HNRNPR: variants seen among roughly 807,000 people sequenced by gnomAD.
The protein encoded by HNRNPR is heterogeneous nuclear ribonucleoprotein R.
A neutral mutation model predicts 70.3 loss-of-function variants in HNRNPR; 4 were observed. The observed-to-expected ratio is 0.06, with a 90% CI of 0.03 to 0.13. HNRNPR has a LOEUF of 0.13. HNRNPR is among the 10% of genes least tolerant of loss of function. The pLI, the probability that HNRNPR is intolerant of heterozygous loss-of-function variation, is 1.00. For missense variants in HNRNPR, 423 were observed against 788.5 expected, an observed-to-expected ratio of 0.54 and a Z score of 5.55; for synonymous variants, 241 against 267.6, an observed-to-expected ratio of 0.90 and a Z score of 0.97.
In HNRNPR at chr1:23,331,405, T is replaced by TAAAAAAAAAAAAA. The variant is rs59528152; in HGVS notation, c.498+2100_498+2112dup. On this transcript the variant is annotated intron_variant, in intron 5 of 10. Coordinates refer to ENST00000302271, the MANE Select transcript of HNRNPR (RefSeq NM_005826.5). ...GGGAGACTCCATCTCCACAAAAAAT[T>TAAAAAAAAAAAAA]AAAAAAAAAAAAAAAAATAGCTGGG... is the stretch of plus-strand genomic sequence containing the variant. Among the ~76,000 whole-genome samples the TAAAAAAAAAAAAA allele has an allele frequency of 3.0e-3, 386 of 127,200 alleles. 8 individuals are homozygous for TAAAAAAAAAAAAA. The highest frequency in any genetic ancestry group is 0.011 in the African/African-American group (375 of 33,332). The allele number at this position is 127,200 out of a possible 152,430, so 83.4% of individuals were successfully genotyped here. A position where few individuals can be genotyped will look rare whatever the true frequency, so the allele number is the denominator to read the frequency against.
At chr1:23,329,295 T>C (rs1456491178) in intron 5 of HNRNPR, among the ~76,000 whole-genome samples, 1 of 152,202 alleles carries the variant, frequency 6.6e-6, no homozygotes, top group Non-Finnish European at 1.5e-5. Context: ...AAAAAGAATT[T>C]AAAAGGCTAA....
At chr1:23,321,772 A>G in intron 6 of HNRNPR, 109 bp from the exon 7 acceptor site, 2 of 1,014,026 alleles carry the variant, frequency 2.0e-6, no homozygotes, top group Non-Finnish European at 2.9e-6. Context: ...TGCTTCATCA[A>G]CTCACCAAGT....
At chr1:23,332,130 G>C (rs1449247961) in intron 5 of HNRNPR, among the ~76,000 whole-genome samples, 1 of 151,980 alleles carries the variant, frequency 6.6e-6, no homozygotes, top group Non-Finnish European at 1.5e-5. Context: ...AGACTGAATG[G>C]AGAGAGGGGA....
chr1:23,332,215 A>T (rs1646262883), intron 5 of HNRNPR, among the ~76,000 whole-genome samples: 1 of 152,112 alleles, frequency 6.6e-6, no homozygotes, highest in Non-Finnish European at 1.5e-5. Context: ...AAGCTTTAAG[A>T]AGACAGATGG....
At chr1:23,342,234 GCA>G (rs1361287169) in intron 1 of HNRNPR, among the ~76,000 whole-genome samples, 1 of 152,188 alleles carries the variant, frequency 6.6e-6, no homozygotes, top group African/African-American at 2.4e-5. Flanking sequence ...TGCACCAGGT[GCA>G]GTTTTCTGGC....
intron 7 of HNRNPR, among the ~76,000 whole-genome samples, chr1:23,320,315 A>G (rs1338994014): frequency 6.6e-6 from 1 of 152,220 alleles, no homozygotes; most frequent in East Asian, 1.9e-4. Flanking sequence ...GTGGTTACAA[A>G]GTGGGACGCT....
At chr1:23,320,984 T>C (rs946192936) in intron 7 of HNRNPR, among the ~76,000 whole-genome samples, 3 of 151,770 alleles carry the variant, frequency 2.0e-5, no homozygotes, top group Admixed American at 1.3e-4. Context: ...CTGACCAACA[T>C]AGAGAAACCC....
intron 2 of HNRNPR, among the ~76,000 whole-genome samples, chr1:23,339,341 G>C (rs565981419): frequency 6.6e-6 from 1 of 152,324 alleles, no homozygotes; most frequent in African/African-American, 2.4e-5. Context: ...TGACTGTCAA[G>C]AACGACAATC....
rs561507898 is a variant in HNRNPR, at chr1:23,335,335, A to T, written c.385-1704T>A. On this transcript the variant is annotated intron_variant, in intron 4 of 10. Transcript: ENST00000302271. ...TCGGCCTTCCATTCTTCTACCTTTG[A>T]CTGAAACAGAGCCATAAATGTAATA... Among the ~76,000 whole-genome samples, 7 of 152,298 alleles carry T rather than the reference A, an allele frequency of 4.6e-5. No homozygotes were observed. The East Asian group carries it at 1.4e-3, about 29-fold the overall frequency.
At chr1:23,315,503 G>T (rs1645506991) in intron 8 of HNRNPR, among the ~76,000 whole-genome samples, 2 of 151,940 alleles carry the variant, frequency 1.3e-5, no homozygotes, top group African/African-American at 4.8e-5. Context: ...CAGTGGATAT[G>T]GTAGGCTACC....
At chr1:23,324,944 T>C (rs1391223794) in intron 5 of HNRNPR, among the ~76,000 whole-genome samples, 1 of 151,912 alleles carries the variant, frequency 6.6e-6, no homozygotes, top group South Asian at 2.1e-4. Context: ...ACCGAGACCA[T>C]CCTGGCTAAC....
rs191261712 is a variant in HNRNPR at position 23,334,040 on chromosome 1, A to G, written c.385-409T>C. On this transcript the variant is annotated intron_variant, in intron 4 of 10. Coordinates refer to ENST00000302271, the MANE Select transcript of HNRNPR (RefSeq NM_005826.5). The stretch of plus-strand genomic sequence containing the variant: ...GAGATTCTCTTGTCTCAGCCTCCCA[A>G]GTAGCTGGGATTACAGGCATGTGCC... Among the ~76,000 whole-genome samples the G allele has an allele frequency of 4.0e-5, 6 of 151,882 alleles. No homozygotes were observed. In the East Asian group the frequency reaches 9.7e-4, roughly 25 times the overall value.
rs1645192504 is a variant in HNRNPR at position 23,305,670 on chromosome 1, A to G, written c.*4784T>C. ...ACCATCATGGAATCCCCTACAAACT[A>G]TAAGATGAGGGATTTTAATCTTTAG... On this transcript the variant is annotated 3_prime_UTR_variant, in exon 11 of 11. Coordinates refer to ENST00000302271, the MANE Select transcript of HNRNPR (RefSeq NM_005826.5). 1 of 152,152 alleles carries G rather than the reference A, an allele frequency of 6.6e-6. No individual in the cohort carries two copies. Among genetic ancestry groups the G allele is most frequent in the Non-Finnish European group, 1.5e-5 (1 of 68,002 alleles). 9.4% of individuals were successfully genotyped at this position (152,152 alleles called of 1,614,324 possible). A position where few individuals can be genotyped will look rare whatever the true frequency, so the allele number is the denominator to read the frequency against.
rs192718978 is a variant in HNRNPR, at chr1:23,308,255, G to C, written c.*2199C>G. 19 of 152,160 alleles carry C rather than the reference G, an allele frequency of 1.2e-4. No homozygotes were observed. The highest frequency in any genetic ancestry group is 6.5e-4 in the Admixed American group (10 of 15,294). 9.4% of individuals were successfully genotyped at this position (152,160 alleles called of 1,614,324 possible). A position where few individuals can be genotyped will look rare whatever the true frequency, so the allele number is the denominator to read the frequency against. ...ATTTGCAATTAAAGGAAAGGATTTT[G>C]ACATGGAACCCAAGTTTTAATCTTA... is the stretch of plus-strand genomic sequence containing the variant. On this transcript the variant is annotated 3_prime_UTR_variant, in exon 11 of 11. Coordinates refer to ENST00000302271, the MANE Select transcript of HNRNPR (RefSeq NM_005826.5).
intron 7 of HNRNPR, 31 bp downstream of exon 7, chr1:23,321,497 A>G: frequency 6.2e-7 from 1 of 1,600,810 alleles, no homozygotes; most frequent in Non-Finnish European, 8.6e-7. Context: ...ATATTTCGCA[A>G]AAGTAATTTC....
chr1:23,324,425 G>C (rs532627976), intron 5 of HNRNPR, among the ~76,000 whole-genome samples: 1 of 152,146 alleles, frequency 6.6e-6, no homozygotes, highest in African/African-American at 2.4e-5. Flanking sequence ...AAAATTCTCC[G>C]GGCATGGTGG....
intron 3 of HNRNPR, 143 bp from the exon 4 acceptor site, chr1:23,338,004 C>A: frequency 1.6e-6 from 1 of 628,970 alleles, no homozygotes; most frequent in Admixed American, 2.8e-5. Context: ...CGAGTGGTTA[C>A]TATGTGCCAG....
chr1:23,315,279 C>G (rs977273413), intron 8 of HNRNPR, among the ~76,000 whole-genome samples: 1 of 35,376 alleles, frequency 2.8e-5, no homozygotes, highest in Admixed American at 4.0e-4. Flanking sequence ...GGCTCCGTCT[C>G]AAAAAAAAAA....
chr1:23,321,554 A>G lies in HNRNPR; in HGVS notation c.785T>C (p.Ile262Thr). The change falls in exon 7 of 11, where the codon ATT (isoleucine) becomes ACT (threonine). Residue 262 changes from isoleucine to threonine, a missense_variant. Physicochemically the swap from Ile to Thr is moderately conservative, Grantham distance 89. Coordinates refer to ENST00000302271, the MANE Select transcript of HNRNPR (RefSeq NM_005826.5). ...TGTGACTTTACTGAATTCTTCCAAA[A>G]TGTTTTCTTTAGTCTTATTCTTCGG... The part of the protein sequence containing the change: ...SIPKNKTKEN[I>T]LEEFSKVTEG... 1 of 1,612,018 alleles carries G rather than the reference A, an allele frequency of 6.2e-7. No homozygotes were observed. The highest frequency in any genetic ancestry group is 8.5e-7 in the Non-Finnish European group (1 of 1,179,224).
Sources: gnomAD v4.1 joint callset for allele counts (sites outside exome capture counted in the v4.1 genomes callset) on GRCh38, gnomAD v4.1.1 for gene constraint, MANE v1.5 for transcripts, NCBI Gene and HGNC (gene_info 2026-07-23, HGNC 2026-07-21) for gene names.